Variants in NCOA2 observed in about 807,000 individuals in gnomAD.
NCOA2 encodes the protein nuclear receptor coactivator 2.
In NCOA2, 21 loss-of-function variants were observed where a neutral mutation model predicts 145.1. The ratio of observed to expected loss-of-function variants is 0.14; its 90% CI spans 0.10 to 0.21. The LOEUF is 0.21. Among genes scored for constraint, NCOA2 ranks in the 10% least tolerant of loss-of-function variants. NCOA2 has a pLI of 1.00. For missense variants in NCOA2, 1,472 were observed against 1,837.6 expected (o/e 0.80, Z 3.64); for synonymous variants, 619 against 637.5 (o/e 0.97, Z 0.44).
chr8:70,193,803 C>G (rs1311733104), intron 4 of NCOA2, among the ~76,000 whole-genome samples: 1 of 152,158 alleles, frequency 6.6e-6, no homozygotes, highest in Non-Finnish European at 1.5e-5. Flanking sequence ...CTCTGAGAAC[C>G]ACTTCGGGCC....
intron 1 of NCOA2, among the ~76,000 whole-genome samples, chr8:70,380,822 C>G (rs1812123063): frequency 1.3e-5 from 2 of 152,098 alleles, no homozygotes; most frequent in Non-Finnish European, 2.9e-5. Context: ...CGTCTGTAAT[C>G]CCAGCACTTT....
chr8:70,123,375 G>A (rs1808042223), intron 21 of NCOA2, among the ~76,000 whole-genome samples: 3 of 152,048 alleles, frequency 2.0e-5, no homozygotes, highest in African/African-American at 4.8e-5. Flanking sequence ...TCCTCTAGCC[G>A]GGCACGGTAG....
chr8:70,112,585 T>C lies in NCOA2; in HGVS notation c.*1047A>G. The C allele has an allele frequency of 4.9e-6, 1 of 205,172 alleles. No homozygotes were observed. Among genetic ancestry groups the C allele is most frequent in the Non-Finnish European group, 1.0e-5 (1 of 100,404 alleles). The allele number at this position is 205,172 out of a possible 1,614,324, so 12.7% of individuals were successfully genotyped here. A position where few individuals can be genotyped will look rare whatever the true frequency, so the allele number is the denominator to read the frequency against. ...AGAATAAACATGCTTCCAAAGCAGG[T>C]ATCCTTAGCTCGATTGGTATCAAGC... On this transcript the variant is annotated 3_prime_UTR_variant, in exon 23 of 23. Coordinates refer to ENST00000452400, the MANE Select transcript of NCOA2 (RefSeq NM_006540.4).
chr8:70,119,847 G>C (rs978406477), intron 22 of NCOA2, among the ~76,000 whole-genome samples: 13 of 151,188 alleles, frequency 8.6e-5, no homozygotes, highest in African/African-American at 2.9e-4. Flanking sequence ...ATTTTCTTTT[G>C]AGAAATTATT....
At chr8:70,426,650 A>G in the NCOA2 span, among the ~76,000 whole-genome samples, 1 of 152,168 alleles carries the variant, frequency 6.6e-6, no homozygotes, top group African/African-American at 2.4e-5. Flanking sequence ...GGCAAGGTCT[A>G]TGTCTTATGC....
chr8:70,308,887 CTT>C (rs1018090194), intron 1 of NCOA2, among the ~76,000 whole-genome samples: 4 of 152,220 alleles, frequency 2.6e-5, no homozygotes, highest in Non-Finnish European at 5.9e-5. Flanking sequence ...GCAATAAACT[CTT>C]TGCTGCTACT....
intron 1 of NCOA2, among the ~76,000 whole-genome samples, chr8:70,309,719 C>G (rs530314980): frequency 6.6e-6 from 1 of 151,762 alleles, no homozygotes; most frequent in African/African-American, 2.4e-5. Flanking sequence ...GGGAGGTCGA[C>G]ATGGGAGGAT....
At chr8:70,229,319 T>C (rs1328483573) in intron 2 of NCOA2, among the ~76,000 whole-genome samples, 1 of 152,170 alleles carries the variant, frequency 6.6e-6, no homozygotes, top group Non-Finnish European at 1.5e-5. Flanking sequence ...GATACAAGTA[T>C]GGAATTAATT....
rs1022612414 is a variant in NCOA2, at chr8:70,112,051, G to C, written c.*1581C>G. The C allele has an allele frequency of 4.7e-6, 1 of 210,602 alleles. No homozygotes were observed. Among genetic ancestry groups the C allele is most frequent in the African/African-American group, 2.3e-5 (1 of 44,082 alleles). The allele number at this position is 210,602 out of a possible 1,614,324, so 13.0% of individuals were successfully genotyped here. A position where few individuals can be genotyped will look rare whatever the true frequency, so the allele number is the denominator to read the frequency against. ...GGCAAGAAAAACAACCATAAAAGTGGCCTGCTTAGTAACATGTAGTCTTTC... is the reference window on the plus strand; with the variant it reads ...GGCAAGAAAAACAACCATAAAAGTGCCCTGCTTAGTAACATGTAGTCTTTC... On this transcript the variant is annotated 3_prime_UTR_variant, in exon 23 of 23. Transcript: ENST00000452400.
At chr8:70,406,064 T>C (rs1814773184), upstream of NCOA2, among the ~76,000 whole-genome samples, 1 of 152,244 alleles carries the variant, frequency 6.6e-6, no homozygotes, top group African/African-American at 2.4e-5. Context: ...TAGAGTTGTT[T>C]ATATGTTTGT....
At chr8:70,138,437 C>A in intron 14 of NCOA2, 105 bp from the exon 15 acceptor site, 1 of 1,126,178 alleles carries the variant, frequency 8.9e-7, no homozygotes, top group Non-Finnish European at 1.2e-6. Context: ...AGGGAAAACA[C>A]AGAAGCAGTA....
the NCOA2 span, among the ~76,000 whole-genome samples, chr8:70,415,175 AT>A: frequency 4.8e-4 from 71 of 146,810 alleles, no homozygotes; most frequent in African/African-American, 1.2e-3. Context: ...TGAGTTTTTT[AT>A]TTTTTTTTTT....
intron 18 of NCOA2, among the ~76,000 whole-genome samples, chr8:70,128,040 G>T (rs534869467): frequency 6.6e-6 from 1 of 152,310 alleles, no homozygotes; most frequent in African/African-American, 2.4e-5. Context: ...CGCCATTCAG[G>T]CCTGAGTTAC....
At chr8:70,296,552 T>C (rs1432435308) in intron 2 of NCOA2, among the ~76,000 whole-genome samples, 192 bp downstream of exon 2, 1 of 152,220 alleles carries the variant, frequency 6.6e-6, no homozygotes, top group African/African-American at 2.4e-5. Flanking sequence ...TATGAGCATT[T>C]TACCTTTAAA....
At chr8:70,332,599 G>A (rs1807210655) in intron 1 of NCOA2, among the ~76,000 whole-genome samples, 1 of 152,096 alleles carries the variant, frequency 6.6e-6, no homozygotes, top group Admixed American at 6.6e-5. Flanking sequence ...TTTTTTAAAG[G>A]TGCTTCATAA....
chr8:70,284,600 G>T (rs1201373398), intron 2 of NCOA2, among the ~76,000 whole-genome samples: 4 of 152,136 alleles, frequency 2.6e-5, no homozygotes, highest in Admixed American at 2.6e-4. Context: ...CTGCCTATCA[G>T]GTAACTTCAG....
intron 2 of NCOA2, among the ~76,000 whole-genome samples, chr8:70,249,634 T>C (rs748035399): frequency 6.6e-6 from 1 of 152,104 alleles, no homozygotes; most frequent in Non-Finnish European, 1.5e-5. Context: ...TAGTTTGATA[T>C]CATGTTCAGC....
intron 2 of NCOA2, among the ~76,000 whole-genome samples, chr8:70,233,566 T>C (rs1485426309): frequency 6.6e-6 from 1 of 152,194 alleles, no homozygotes; most frequent in African/African-American, 2.4e-5. Context: ...CTGCCCTCCC[T>C]AGTCTTCCAT....
chr8:70,138,137 C>A (rs3812430), intron 15 of NCOA2, 66 bp downstream of exon 15: 259,224 of 1,532,942 alleles, frequency 0.17, 31,655 homozygotes, highest in East Asian at 0.52. Flanking sequence ...CCGACTACTC[C>A]AAAGGAAAAG....
Sources: allele counts gnomAD v4.1 joint callset (sites outside exome capture counted in the v4.1 genomes callset), GRCh38; gene constraint gnomAD v4.1.1; transcripts MANE v1.5; gene names NCBI Gene and HGNC (gene_info 2026-07-23, HGNC 2026-07-21).